Variants in TBC1D32 observed in about 807,000 individuals in gnomAD.
The protein encoded by TBC1D32 is TBC1 domain family member 32.
TBC1D32 carries 151 observed loss-of-function variants against 170.3 expected under a neutral mutation model. That is an observed-to-expected ratio of 0.89 (90% CI 0.78 to 1.01). The LOEUF is 1.01. Among genes scored for constraint, TBC1D32 ranks in the 50% least tolerant of loss-of-function variants. The pLI is 0.00. For missense variants in TBC1D32, 1,464 were observed against 1,457.1 expected (o/e 1.00, Z -0.08); for synonymous variants, 498 against 488.0 (o/e 1.02, Z -0.27).
At chr6:121,186,091 G>A (rs1452762391) in intron 22 of TBC1D32, among the ~76,000 whole-genome samples, 1 of 152,162 alleles carries the variant, frequency 6.6e-6, no homozygotes, top group Non-Finnish European at 1.5e-5. Context: ...AGCGTAGCGA[G>A]AAAGTTGATG....
intron 21 of TBC1D32, among the ~76,000 whole-genome samples, chr6:121,218,295 T>C (rs1377432079): frequency 6.6e-6 from 1 of 152,150 alleles, no homozygotes; most frequent in African/African-American, 2.4e-5. Flanking sequence ...GGACAAACCA[T>C]GTCAAATATT....
chr6:121,151,989 T>C (rs1784278898), intron 24 of TBC1D32, among the ~76,000 whole-genome samples: 1 of 152,220 alleles, frequency 6.6e-6, no homozygotes, highest in African/African-American at 2.4e-5. Context: ...TTGGGGCATT[T>C]AGCTTGTTTA....
At chr6:121,315,471 A>G (rs1033226721) in intron 3 of TBC1D32, among the ~76,000 whole-genome samples, 1 of 152,170 alleles carries the variant, frequency 6.6e-6, no homozygotes, top group African/African-American at 2.4e-5. Flanking sequence ...TCATACTTAC[A>G]CTAACAGTCT....
intron 17 of TBC1D32, among the ~76,000 whole-genome samples, chr6:121,248,434 C>T (rs1176032025): frequency 2.6e-5 from 4 of 151,398 alleles, no homozygotes; most frequent in Non-Finnish European, 5.9e-5. Context: ...AAACTAAACC[C>T]AAACCCAGCA....
intron 21 of TBC1D32, among the ~76,000 whole-genome samples, chr6:121,211,850 C>T (rs1793106953): frequency 6.6e-6 from 1 of 152,150 alleles, no homozygotes; most frequent in South Asian, 2.1e-4. Context: ...CCTCTCTGGA[C>T]CTGAGCCAAA....
intron 15 of TBC1D32, among the ~76,000 whole-genome samples, chr6:121,277,636 T>G (rs1007330125): frequency 3.3e-5 from 5 of 151,118 alleles, no homozygotes; most frequent in African/African-American, 1.2e-4. Context: ...TTTATAGCAT[T>G]AAGTACAAAT....
chr6:121,205,501 A>G (rs1792133757), intron 21 of TBC1D32, among the ~76,000 whole-genome samples: 2 of 152,216 alleles, frequency 1.3e-5, no homozygotes, highest in South Asian at 4.1e-4. Flanking sequence ...CATCAGTTAA[A>G]TACTGATAAA....
chr6:121,331,007 T>G (rs972946721), intron 1 of TBC1D32, among the ~76,000 whole-genome samples: 1 of 152,194 alleles, frequency 6.6e-6, no homozygotes, highest in Non-Finnish European at 1.5e-5. Flanking sequence ...AAAGCAGAGA[T>G]AGTATGTTAG....
chr6:121,286,963 G>C (rs549143704), intron 12 of TBC1D32, among the ~76,000 whole-genome samples: 1 of 152,052 alleles, frequency 6.6e-6, no homozygotes, highest in Non-Finnish European at 1.5e-5. Flanking sequence ...GAGAGATTTT[G>C]TCACCACCAG....
chr6:121,126,552 C>T (rs1296821403), intron 25 of TBC1D32, 91 bp from the exon 26 acceptor site: 2 of 874,590 alleles, frequency 2.3e-6, no homozygotes, highest in Admixed American at 2.1e-5. Flanking sequence ...AGGTAAAAGT[C>T]ATCTGAACTT....
At chr6:121,258,823 C>G (rs888513748) in intron 15 of TBC1D32, among the ~76,000 whole-genome samples, 3 of 152,038 alleles carry the variant, frequency 2.0e-5, no homozygotes, top group Admixed American at 2.0e-4. Flanking sequence ...AATCAACTAG[C>G]CTCTTCTTAT....
chr6:121,334,142 C>A, intron 1 of TBC1D32, 134 bp downstream of exon 1: 2 of 695,134 alleles, frequency 2.9e-6, no homozygotes, highest in East Asian at 2.9e-5. Context: ...GACGTTTTGG[C>A]AAATAAGAGA....
chr6:121,319,845 C>T (rs1330833165), intron 2 of TBC1D32, among the ~76,000 whole-genome samples: 7 of 151,960 alleles, frequency 4.6e-5, no homozygotes, highest in African/African-American at 1.4e-4. Context: ...TCAATAGCAG[C>T]CATTGCAGTT....
chr6:121,153,780 T>C (rs1446655091), intron 24 of TBC1D32, among the ~76,000 whole-genome samples: 6 of 152,134 alleles, frequency 3.9e-5, no homozygotes, highest in African/African-American at 1.2e-4. Flanking sequence ...TCCAGGTGGC[T>C]TGTTTTACAT....
At chr6:121,303,315 T>C (rs1336753222) in intron 9 of TBC1D32, among the ~76,000 whole-genome samples, 1 of 152,112 alleles carries the variant, frequency 6.6e-6, no homozygotes, top group Admixed American at 6.6e-5. Flanking sequence ...AAAGAAAAAA[T>C]AGATTTTTGA....
chr6:121,278,399 A>G (rs7759798), intron 15 of TBC1D32, among the ~76,000 whole-genome samples: 12,005 of 152,172 alleles, frequency 0.079, 784 homozygotes, highest in African/African-American at 0.17. Flanking sequence ...TATATCATGA[A>G]CAAGTGGGAT....
At chr6:121,313,103 G>A (rs1808442136) in intron 3 of TBC1D32, among the ~76,000 whole-genome samples, 1 of 128,666 alleles carries the variant, frequency 7.8e-6, no homozygotes, top group Admixed American at 8.1e-5. Context: ...CCAAGCTAAG[G>A]TGGTGTGTGT....
intron 3 of TBC1D32, among the ~76,000 whole-genome samples, chr6:121,315,267 T>C (rs1470112868): frequency 1.3e-5 from 2 of 152,224 alleles, no homozygotes; most frequent in Admixed American, 6.5e-5. Context: ...ATAATACCTA[T>C]AGTGAATATA....
In TBC1D32 at chr6:121,223,318, G is replaced by A; in HGVS notation, c.2399C>T (p.Pro800Leu). The change falls in exon 21 of 32, where the codon CCT becomes CTT. Residue 800 changes from proline (P) to leucine (L), a missense_variant. Physicochemically the swap from Pro to Leu is moderately conservative, Grantham distance 98. This residue lies in a region of TBC1D32 where 1,363 missense variants were observed against 1,338.1 expected (regional missense o/e 1.02). Coordinates refer to ENST00000398212, the MANE Select transcript of TBC1D32 (RefSeq NM_152730.6). ...ATTCCTTACAAGCTCATAAATAGCAGGATAGGATAACAAGTTCACCAGTGC... is the reference window on the plus strand; with the variant it reads ...ATTCCTTACAAGCTCATAAATAGCAAGATAGGATAACAAGTTCACCAGTGC... The part of the protein sequence containing the change: ...FLALVNLLSY[P>L]AIYELVRNQD... The A allele has an allele frequency of 6.3e-7, 1 of 1,596,258 alleles. No homozygotes were observed. The highest frequency in any genetic ancestry group is 8.5e-7 in the Non-Finnish European group (1 of 1,174,372).
Sources: allele counts gnomAD v4.1 joint callset (sites outside exome capture counted in the v4.1 genomes callset), GRCh38; gene constraint gnomAD v4.1.1; regional missense constraint gnomAD v4.1.1; transcripts MANE v1.5; gene names NCBI Gene and HGNC (gene_info 2026-07-23, HGNC 2026-07-21).